The following ROBO2 variants were observed in gnomAD, a reference collection of about 807,000 sequenced individuals.
ROBO2 encodes roundabout guidance receptor 2.
In ROBO2, 53 loss-of-function variants were observed where a neutral mutation model predicts 160.8. The observed-to-expected ratio is 0.33, with a 90% CI of 0.26 to 0.41. ROBO2 has a LOEUF of 0.41. Among genes scored for constraint, ROBO2 ranks in the 10% least tolerant of loss-of-function variants. The pLI, the probability that ROBO2 is intolerant of heterozygous loss-of-function variation, is 1.00. For synonymous variants in ROBO2, 664 were observed against 611.7 expected (o/e 1.09, Z -1.26); for missense variants, 1,577 against 1,722.4 (o/e 0.92, Z 1.49).
intron 2 of ROBO2, among the ~76,000 whole-genome samples, chr3:76,262,947 T>C (rs1706859454): frequency 6.6e-6 from 1 of 152,098 alleles, no homozygotes; most frequent in Non-Finnish European, 1.5e-5. Flanking sequence ...CTCTTGGCTG[T>C]TAAATATTGG....
chr3:76,427,493 A>G (rs1399643075), intron 2 of ROBO2, among the ~76,000 whole-genome samples: 1 of 152,164 alleles, frequency 6.6e-6, no homozygotes, highest in African/African-American at 2.4e-5. Flanking sequence ...TCAGAAGCAG[A>G]CCTGTGGCTG....
chr3:76,907,984 C>T (rs1382405802), intron 2 of ROBO2, among the ~76,000 whole-genome samples: 1 of 152,038 alleles, frequency 6.6e-6, no homozygotes, highest in Non-Finnish European at 1.5e-5. Flanking sequence ...GGATTATAGG[C>T]GCCCACCACC....
chr3:76,622,387 C>T (rs1362242785), intron 2 of ROBO2, among the ~76,000 whole-genome samples: 1 of 151,984 alleles, frequency 6.6e-6, no homozygotes, highest in African/African-American at 2.4e-5. Flanking sequence ...ATTGCTTGAG[C>T]CCAGGAGTTC....
intron 2 of ROBO2, among the ~76,000 whole-genome samples, chr3:77,257,955 A>T (rs1237767143): frequency 6.6e-6 from 1 of 152,260 alleles, no homozygotes; most frequent in Non-Finnish European, 1.5e-5. Context: ...AATGCCATTT[A>T]AACCTTTTTT....
At chr3:76,992,129 GAA>G (rs1369056261) in intron 2 of ROBO2, among the ~76,000 whole-genome samples, 3 of 151,740 alleles carry the variant, frequency 2.0e-5, no homozygotes, top group Middle Eastern at 3.4e-3. Flanking sequence ...CACATTGTTA[GAA>G]AAAGAGTCCT....
intron 1 of ROBO2, among the ~76,000 whole-genome samples, chr3:77,069,122 C>T (rs182874625): frequency 1.3e-5 from 2 of 152,168 alleles, no homozygotes; most frequent in East Asian, 1.9e-4. Context: ...CAGTCTTGCT[C>T]GTTAAGAGAG....
chr3:76,924,719 C>A (rs915225612), intron 2 of ROBO2, among the ~76,000 whole-genome samples: 2 of 152,166 alleles, frequency 1.3e-5, no homozygotes, highest in Non-Finnish European at 2.9e-5. Context: ...TAGTTCTGTT[C>A]ACGGATTTTG....
intron 2 of ROBO2, among the ~76,000 whole-genome samples, chr3:76,470,539 C>G (rs1484550086): frequency 1.3e-5 from 2 of 152,180 alleles, no homozygotes; most frequent in African/African-American, 4.8e-5. Context: ...CTACGTGACT[C>G]GGGCTTCTCA....
In ROBO2 at chr3:77,425,980, G is replaced by T. The variant is rs11127595; in HGVS notation, c.389-51434G>T. On this transcript the variant is annotated intron_variant, in intron 2 of 25. Transcript: ENST00000461745. ...GCCCAGCCCCTTAATATGATTCGTGGTGTGACTAGAAACCATGAAAGAATT... is the reference window on the plus strand; with the variant it reads ...GCCCAGCCCCTTAATATGATTCGTGTTGTGACTAGAAACCATGAAAGAATT... 2.6e-5 allele frequency among the ~76,000 whole-genome samples: 4 copies of T among 151,936 alleles called. No homozygotes were observed. In the South Asian group the frequency reaches 8.3e-4, roughly 32 times the overall value.
At chr3:77,132,673 T>A (rs760148355) in intron 2 of ROBO2, among the ~76,000 whole-genome samples, 1 of 151,604 alleles carries the variant, frequency 6.6e-6, no homozygotes, top group Admixed American at 6.6e-5. Flanking sequence ...CACTAAAGAG[T>A]CACTACATCT....
At chr3:76,814,287 A>G (rs561738458) in intron 2 of ROBO2, among the ~76,000 whole-genome samples, 74 of 152,220 alleles carry the variant, frequency 4.9e-4, no homozygotes, top group Non-Finnish European at 7.1e-4. Flanking sequence ...TTGTGTCCAG[A>G]GATGGTGCGA....
intron 14 of ROBO2, among the ~76,000 whole-genome samples, chr3:77,576,926 G>A (rs564152161): frequency 2.6e-5 from 4 of 152,104 alleles, no homozygotes; most frequent in Non-Finnish European, 5.9e-5. Flanking sequence ...CAAGCTAAAA[G>A]CATACCAAAA....
In ROBO2 at chr3:77,193,671, C is replaced by A. The variant is rs56258171; in HGVS notation, c.388+95331C>A. On this transcript the variant is annotated intron_variant, in intron 2 of 25. Transcript: ENST00000461745. ...GCAAAGGGTGAGGACAGGTCATGAC[C>A]TAATCAGCACAGGGAAATAAAATTA... 3.7e-3 allele frequency among the ~76,000 whole-genome samples: 558 copies of A among 152,152 alleles called. 3 individuals are homozygous for A. The highest frequency in any genetic ancestry group is 4.5e-3 in the Non-Finnish European group (305 of 68,010).
intron 2 of ROBO2, among the ~76,000 whole-genome samples, chr3:77,252,831 A>AAAATATATAT: frequency 8.0e-5 from 1 of 12,520 alleles, no homozygotes; most frequent in African/African-American, 1.6e-4. Context: ...AAAAAAAAAA[A>AAAATATATAT]ATATATATAT....
At chr3:76,314,455 A>C (rs924089159) in intron 2 of ROBO2, among the ~76,000 whole-genome samples, 2 of 152,012 alleles carry the variant, frequency 1.3e-5, no homozygotes, top group African/African-American at 4.8e-5. Flanking sequence ...TCATATTTAC[A>C]TATAATATAC....
At chr3:76,484,876 C>T (rs1317231442) in intron 2 of ROBO2, among the ~76,000 whole-genome samples, 2 of 151,940 alleles carry the variant, frequency 1.3e-5, no homozygotes, top group African/African-American at 4.8e-5. Context: ...GATTATAAAA[C>T]CCTAAAAATC....
intron 2 of ROBO2, among the ~76,000 whole-genome samples, chr3:76,776,850 A>C (rs560438835): frequency 1.3e-5 from 2 of 151,066 alleles, no homozygotes; most frequent in Non-Finnish European, 3.0e-5. Flanking sequence ...ATAGTATCAT[A>C]AAATTATAAT....
chr3:77,316,653 A>G (rs2064023775), intron 2 of ROBO2: 1 of 640,974 alleles, frequency 1.6e-6, no homozygotes, highest in African/African-American at 1.8e-5. Context: ...ATATTTAGCA[A>G]TACTTGCATC....
chr3:76,149,306 C>T (rs2072051085), intron 2 of ROBO2, among the ~76,000 whole-genome samples: 2 of 152,026 alleles, frequency 1.3e-5, no homozygotes, highest in Admixed American at 1.3e-4. Context: ...CTACTTAAGC[C>T]CCAAACTTAG....
Sources: allele counts gnomAD v4.1 joint callset (sites outside exome capture counted in the v4.1 genomes callset), GRCh38; gene constraint gnomAD v4.1.1; transcripts MANE v1.5; gene names NCBI Gene and HGNC (gene_info 2026-07-23, HGNC 2026-07-21).